Variants in GDA observed in about 807,000 individuals in gnomAD.
GDA encodes cytoplasmic PSD-95 interactor.
GDA carries 18 observed loss-of-function variants against 59.6 expected under a neutral mutation model. The observed-to-expected ratio is 0.30, with a 90% CI of 0.21 to 0.45. GDA has a LOEUF of 0.45. GDA is among the 20% of genes least tolerant of loss of function. GDA has a pLI of 1.00. For missense variants in GDA, 427 were observed against 552.3 expected (o/e 0.77, Z 2.27); for synonymous variants, 201 against 201.1 (o/e 1.00, Z 0.00).
At chr9:72,258,960 G>A (rs562099962), downstream of GDA, among the ~76,000 whole-genome samples, 5 of 152,098 alleles carry the variant, frequency 3.3e-5, no homozygotes, top group East Asian at 7.8e-4. Context: ...CAGAGCTCAT[G>A]AATGATCTCC....
intron 1 of GDA, among the ~76,000 whole-genome samples, chr9:72,174,254 G>A (rs1299093314): frequency 6.6e-6 from 1 of 152,122 alleles, no homozygotes; most frequent in Non-Finnish European, 1.5e-5. Context: ...GTCCACCCTT[G>A]GGGATTTTGC....
intron 1 of GDA, among the ~76,000 whole-genome samples, chr9:72,194,914 G>A (rs901975496): frequency 3.3e-5 from 5 of 152,192 alleles, no homozygotes; most frequent in African/African-American, 4.8e-5. Flanking sequence ...TAACAGAACA[G>A]CACTGAGTTC....
intron 8 of GDA, 35 bp from the exon 9 acceptor site, chr9:72,227,908 G>A (rs758097286): frequency 1.0e-5 from 11 of 1,104,456 alleles, no homozygotes; most frequent in East Asian, 2.3e-5. Flanking sequence ...TCATTTGTGA[G>A]CGGTAAACTC....
chr9:72,228,237 A>G, intron 9 of GDA, 197 bp downstream of exon 9: 1 of 542,822 alleles, frequency 1.8e-6, no homozygotes, highest in Non-Finnish European at 3.3e-6. Context: ...CTCAGAGGAC[A>G]CGTGAAGAGC....
intron 5 of GDA, among the ~76,000 whole-genome samples, chr9:72,214,345 C>CTCAGCTCACTGCAACCT (rs1444381358): frequency 6.6e-6 from 1 of 150,938 alleles, no homozygotes; most frequent in South Asian, 2.1e-4. Context: ...ATGGCGTGGT[C>CTCAGCTCACTGCAACCT]TCAGCTCACT....
At chr9:72,185,429 C>T (rs2131136262) in intron 1 of GDA, among the ~76,000 whole-genome samples, 1 of 152,290 alleles carries the variant, frequency 6.6e-6, no homozygotes, top group Middle Eastern at 3.4e-3. Flanking sequence ...ACATTATTCG[C>T]CCCATTGTAC....
chr9:72,253,904 T>C (rs1430100293), downstream of GDA, among the ~76,000 whole-genome samples: 1 of 152,116 alleles, frequency 6.6e-6, no homozygotes, highest in Non-Finnish European at 1.5e-5. Context: ...TGTATACATA[T>C]GTAACTAACC....
At chr9:72,122,169 T>C (rs1306406534) in intron 1 of GDA, among the ~76,000 whole-genome samples, 1 of 152,196 alleles carries the variant, frequency 6.6e-6, no homozygotes, top group Non-Finnish European at 1.5e-5. Context: ...CTATCCTGAC[T>C]TTCAGACATG....
downstream of GDA, among the ~76,000 whole-genome samples, chr9:72,256,222 A>C (rs1840879435): frequency 6.6e-6 from 1 of 152,242 alleles, no homozygotes; most frequent in Non-Finnish European, 1.5e-5. Flanking sequence ...TGCAGAAAAC[A>C]AAATAATGGC....
At position 72,214,263 on chromosome 9, in the gene GDA, A is replaced by G. The variant is rs187415354; in HGVS notation, c.578+272A>G. Among the ~76,000 whole-genome samples the G allele has an allele frequency of 1.2e-3, 181 of 151,638 alleles. 1 individual carries two copies. The highest frequency in any genetic ancestry group is 4.2e-3 in the African/African-American group (173 of 41,390). ...ATCTCCATGAAGCATCTGTCTTTTTATTTATTTTTTATTTATTTTTATTTT... is the reference window on the plus strand; with the variant it reads ...ATCTCCATGAAGCATCTGTCTTTTTGTTTATTTTTTATTTATTTTTATTTT... On this transcript the variant is annotated intron_variant, in intron 5 of 13. Coordinates refer to ENST00000358399, the MANE Select transcript of GDA (RefSeq NM_004293.5).
intron 1 of GDA, among the ~76,000 whole-genome samples, chr9:72,141,217 C>T (rs889811049): frequency 6.6e-6 from 1 of 152,104 alleles, no homozygotes. Flanking sequence ...ACAAAAATTG[C>T]TTCTCAGAGA....
At chr9:72,155,957 G>A (rs745422616) in intron 1 of GDA, among the ~76,000 whole-genome samples, 1 of 152,224 alleles carries the variant, frequency 6.6e-6, no homozygotes, top group Non-Finnish European at 1.5e-5. Context: ...GGATTAGTAA[G>A]TGTAAAATAT....
chr9:72,156,685 T>A (rs2130792854), intron 1 of GDA, among the ~76,000 whole-genome samples: 1 of 152,314 alleles, frequency 6.6e-6, no homozygotes, highest in South Asian at 2.1e-4. Flanking sequence ...CAGTCCATGG[T>A]AGACTCAGCC....
intron 6 of GDA, among the ~76,000 whole-genome samples, chr9:72,220,391 A>G (rs183548128): frequency 4.6e-5 from 7 of 152,306 alleles, no homozygotes; most frequent in Admixed American, 3.9e-4. Context: ...ACAAACATCA[A>G]ACTTGCTTTA....
At chr9:72,136,951 G>A (rs1826248642) in intron 1 of GDA, among the ~76,000 whole-genome samples, 1 of 151,906 alleles carries the variant, frequency 6.6e-6, no homozygotes, top group Non-Finnish European at 1.5e-5. Context: ...CTCCAGCCTT[G>A]GTCCTTGGCA....
intron 1 of GDA, among the ~76,000 whole-genome samples, chr9:72,134,403 CTTT>C (rs34514315): frequency 6.8e-6 from 1 of 148,098 alleles, no homozygotes; most frequent in Non-Finnish European, 1.5e-5. Context: ...CCCCCGCCAA[CTTT>C]TTTTTTTTTT....
intron 1 of GDA, among the ~76,000 whole-genome samples, chr9:72,182,385 G>C (rs1409077650): frequency 1.3e-5 from 2 of 152,084 alleles, no homozygotes; most frequent in Non-Finnish European, 2.9e-5. Flanking sequence ...GAATATAGAA[G>C]AGTTTCTCCT....
At position 72,250,974 on chromosome 9, in the gene GDA, A is replaced by G. The variant is rs890142794; in HGVS notation, c.*2632A>G. On this transcript the variant is annotated 3_prime_UTR_variant, in exon 14 of 14. Transcript: ENST00000358399. ...AGGGAAACATGGGAAGTAAAAGATTAGGATGTGAAAGGTTGTCCTAAACAG... is the reference window on the plus strand; with the variant it reads ...AGGGAAACATGGGAAGTAAAAGATTGGGATGTGAAAGGTTGTCCTAAACAG... The G allele has an allele frequency of 2.9e-6, 2 of 682,252 alleles. No individual in the cohort carries two copies. The highest frequency in any genetic ancestry group is 2.5e-6 in the Non-Finnish European group (1 of 403,486). The allele number at this position is 682,252 out of a possible 1,614,324, so 42.3% of individuals were successfully genotyped here.
Position 72,249,910 on chromosome 9 carries a change from C to T in GDA, c.*1568C>T. 1.0e-6 allele frequency: 1 copy of T among 959,634 alleles called. No individual in the cohort carries two copies. The highest frequency in any genetic ancestry group is 4.8e-5 in the South Asian group (1 of 20,768). The allele number at this position is 959,634 out of a possible 1,614,324, so 59.4% of individuals were successfully genotyped here. ...CTTAGCTAATTTAGCAGTAATTGGC[C>T]CAGTTTTTTCCCTAATAGAAATACT... On this transcript the variant is annotated 3_prime_UTR_variant, in exon 14 of 14. Transcript: ENST00000358399.
Sources: allele counts gnomAD v4.1 joint callset (sites outside exome capture counted in the v4.1 genomes callset), GRCh38; gene constraint gnomAD v4.1.1; transcripts MANE v1.5; gene names NCBI Gene and HGNC (gene_info 2026-07-23, HGNC 2026-07-21).